The following QDPR variants were observed in gnomAD, a reference collection of about 807,000 sequenced individuals.
QDPR encodes the protein dihydropteridine reductase.
In QDPR, 23 loss-of-function variants were observed where a neutral mutation model predicts 31.7. That is an observed-to-expected ratio of 0.73 (90% confidence interval 0.52 to 1.03). The LOEUF (loss-of-function observed/expected upper bound fraction) is 1.03. Ranked by LOEUF, QDPR falls within the 50% of genes least tolerant of loss-of-function variation. QDPR has a pLI of 0.00. For synonymous variants in QDPR, 124 were observed against 124.7 expected (o/e 0.99, Z 0.03); for missense variants, 324 against 323.8 (o/e 1.00, Z 0.00).
chr4:17,499,068 C>G (rs1268973053), intron 4 of QDPR, among the ~76,000 whole-genome samples: 1 of 152,202 alleles, frequency 6.6e-6, no homozygotes, highest in African/African-American at 2.4e-5. Context: ...ATGGCTCACA[C>G]TTACTATTGA....
Position 17,509,128 on chromosome 4 carries a change from A to G in QDPR, c.198+143T>C, listed in dbSNP as rs557250756. ...AACGGAGATCATGCCACTGCACTCC[A>G]GCCTGGGCGACAGAGCAAGACTCCG... On this transcript the variant is annotated intron_variant, in intron 2 of 6. Coordinates refer to ENST00000281243, the MANE Select transcript of QDPR (RefSeq NM_000320.3). 61 of 696,060 alleles carry G rather than the reference A, an allele frequency of 8.8e-5. No homozygotes were observed. The African/African-American group carries it at 1.0e-3, about 12-fold the overall frequency. 43.1% of individuals were successfully genotyped at this position (696,060 alleles called of 1,614,324 possible).
In QDPR at chr4:17,512,037, A is replaced by AGCC. The variant is rs762480653; in HGVS notation, c.15_17dup (p.Ala7dup). On this transcript the variant is annotated inframe_insertion, in exon 1 of 7. Coordinates refer to ENST00000281243, the MANE Select transcript of QDPR (RefSeq NM_000320.3). ...CCAGCACCCGGCGCGCCTCGCCTGCAGCCGCCGCCGCCGCCATCCTGCTCC... is the reference window on the plus strand; with the variant it reads ...CCAGCACCCGGCGCGCCTCGCCTGCAGCCGCCGCCGCCGCCGCCATCCTGCTCC... 104 of 1,602,556 alleles carry AGCC rather than the reference A, an allele frequency of 6.5e-5. No homozygotes were observed. Among genetic ancestry groups the AGCC allele is most frequent in the Middle Eastern group, 1.7e-4 (1 of 5,958 alleles).
chr4:17,490,247 G>C (rs1718110420), intron 6 of QDPR: 2 of 288,904 alleles, frequency 6.9e-6, no homozygotes, highest in Non-Finnish European at 1.4e-5. Context: ...CCTCATCACA[G>C]CAGTAAGGAC....
At chr4:17,502,829 C>T (rs1385131170) in intron 3 of QDPR, among the ~76,000 whole-genome samples, 1 of 152,212 alleles carries the variant, frequency 6.6e-6, no homozygotes, top group Non-Finnish European at 1.5e-5. Context: ...ACTTGGGAAA[C>T]AGGACATTCA....
rs772710378 is a variant in QDPR at position 17,504,471 on chromosome 4, G to A, written c.203C>T (p.Thr68Ile). 6.2e-7 allele frequency: 1 copy of A among 1,613,880 alleles called. No individual in the cohort carries two copies. Among genetic ancestry groups the A allele is most frequent in the African/African-American group, 1.3e-5 (1 of 75,034 alleles). Residue 68 changes from threonine (T) to isoleucine (I), a missense_variant, in exon 3 of 7, where the codon ACT becomes ATT. By Grantham distance (89) the Thr-to-Ile change is moderately conservative. Transcript: ENST00000281243. Reference protein sequence around the residue: ...DSFTEQADQVTAEVGKLLGEE... With the variant: ...DSFTEQADQVIAEVGKLLGEE... Reference sequence around the variant, plus strand: ...ACCCAAGAGCTTTCCAACCTCAGCAGTCACCTTCAACACAAGAACAAAAAA... The same window carrying A: ...ACCCAAGAGCTTTCCAACCTCAGCAATCACCTTCAACACAAGAACAAAAAA...
At chr4:17,489,865 G>A (rs1718095841) in intron 6 of QDPR, among the ~76,000 whole-genome samples, 1 of 152,182 alleles carries the variant, frequency 6.6e-6, no homozygotes, top group African/African-American at 2.4e-5. Flanking sequence ...AGTCGTCAAA[G>A]CAGTTTACAC....
chr4:17,487,330 A>T (rs1315197130), intron 6 of QDPR, 94 bp from the exon 7 acceptor site: 160 of 624,920 alleles, frequency 2.6e-4, no homozygotes, highest in Non-Finnish European at 3.6e-4. Context: ...GGTGGGGGGA[A>T]GGGGTGGCAC....
rs104893863 is a variant in QDPR at position 17,511,987 on chromosome 4, C to T, written c.68G>A (p.Gly23Asp). Residue 23 changes from glycine to aspartate, a missense_variant, in exon 1 of 7, where the codon GGT (glycine) becomes GAT (aspartate). Coordinates refer to ENST00000281243, the MANE Select transcript of QDPR (RefSeq NM_000320.3). ...CCGAAAAGCCTGCACGCATCGAGAA[C>T]CCAGAGCGCCCCTGCCGCCGTACAC... ...VLVYGGRGAL[G>D]SRCVQAFRAR... 2.1e-5 allele frequency: 34 copies of T among 1,610,618 alleles called. No individual in the cohort carries two copies. Among genetic ancestry groups the T allele is most frequent in the East Asian group, 4.5e-5 (2 of 44,784 alleles).
intron 1 of QDPR, chr4:17,509,796 A>G: frequency 2.8e-6 from 1 of 360,882 alleles, no homozygotes; most frequent in Admixed American, 3.7e-5. Flanking sequence ...AACACACCCT[A>G]TATTGGGCTC....
In QDPR at chr4:17,509,289, G is replaced by T. The variant is rs1718908336; in HGVS notation, c.180C>A (p.Phe60Leu). Residue 60 changes from phenylalanine to leucine, a missense_variant, in exon 2 of 7, where the codon TTC (phenylalanine) becomes TTA (leucine). By Grantham distance (22) the Phe-to-Leu change is conservative. Coordinates refer to ENST00000281243, the MANE Select transcript of QDPR (RefSeq NM_000320.3). ...AAACTACCTGGTCAGCCTGCTCAGT[G>T]AACGAGTCTGTCATTTTAACAATGA... The part of the protein sequence containing the change: ...ASIIVKMTDS[F>L]TEQADQVTAE... 5 of 1,614,052 alleles carry T rather than the reference G, an allele frequency of 3.1e-6. No homozygotes were observed. The highest frequency in any genetic ancestry group is 4.2e-6 in the Non-Finnish European group (5 of 1,179,952).
chr4:17,505,243 CTTT>C (rs1230268105), intron 2 of QDPR, among the ~76,000 whole-genome samples: 1 of 103,296 alleles, frequency 9.7e-6, no homozygotes, highest in South Asian at 3.6e-4. Context: ...CTTAAGATTT[CTTT>C]TTTTTTTTTT....
intron 4 of QDPR, 43 bp from the exon 5 acceptor site, chr4:17,492,383 AG>A (rs772641759): frequency 1.4e-6 from 2 of 1,478,954 alleles, no homozygotes; most frequent in African/African-American, 2.8e-5. Flanking sequence ...ACTGGCGGCC[AG>A]GGGGACAGCA....
rs3733570 is a variant in QDPR at position 17,501,810 on chromosome 4, C to T, written c.345G>A (p.Ser115=). Reference sequence around the variant, plus strand: ...TGGTAGCCAGATGGCTGGAGATGGTCGATGTCCATATGCTCTGCTTCCACA... The same window carrying T: ...TGGTAGCCAGATGGCTGGAGATGGTTGATGTCCATATGCTCTGCTTCCACA... The part of the protein sequence containing the change: ...DLMWKQSIWT[S]TISSHLATKH... Residue 115 remains serine, a synonymous_variant, in exon 4 of 7, where the codon TCG becomes TCA. Transcript: ENST00000281243. 73,370 of 1,614,044 alleles carry T rather than the reference C, an allele frequency of 0.045. 7,465 individuals are homozygous for T. The East Asian group carries it at 0.47, about 10-fold the overall frequency.
chr4:17,495,180 G>A (rs1461285523), intron 4 of QDPR, among the ~76,000 whole-genome samples: 4 of 152,178 alleles, frequency 2.6e-5, no homozygotes. Flanking sequence ...AGCAGTGGAA[G>A]GACTGTGGCA....
At chr4:17,497,866 G>T (rs988658876) in intron 4 of QDPR, among the ~76,000 whole-genome samples, 3 of 152,146 alleles carry the variant, frequency 2.0e-5, no homozygotes, top group African/African-American at 7.2e-5. Context: ...AGCAAATTTT[G>T]ACATTGTGTA....
intron 3 of QDPR, 63 bp from the exon 4 acceptor site, chr4:17,501,922 TCATGCAGC>T: frequency 1.2e-6 from 2 of 1,606,942 alleles, no homozygotes; most frequent in African/African-American, 2.7e-5. Context: ...TGAGCTCAAC[TCATGCAGC>T]CCCACACTCA....
At chr4:17,511,651 C>T (rs1325303151) in intron 1 of QDPR, among the ~76,000 whole-genome samples, 2 of 152,214 alleles carry the variant, frequency 1.3e-5, no homozygotes, top group Non-Finnish European at 2.9e-5. Context: ...CGTCCTCTCA[C>T]CCCTGCTCCC....
chr4:17,508,796 C>T (rs2108996899), intron 2 of QDPR, among the ~76,000 whole-genome samples: 3 of 152,222 alleles, frequency 2.0e-5, no homozygotes, highest in Admixed American at 2.0e-4. Flanking sequence ...TATCATTTTT[C>T]ACTTTTTCCA....
At chr4:17,487,930 T>C (rs183864111) in intron 6 of QDPR, among the ~76,000 whole-genome samples, 145 of 152,338 alleles carry the variant, frequency 9.5e-4, no homozygotes, top group Non-Finnish European at 1.8e-3. Flanking sequence ...TTCATTTTGG[T>C]ATTTTTCTAC....
Sources: gnomAD v4.1 joint callset for allele counts (sites outside exome capture counted in the v4.1 genomes callset) on GRCh38, gnomAD v4.1.1 for gene constraint, MANE v1.5 for transcripts, NCBI Gene and HGNC (gene_info 2026-07-23, HGNC 2026-07-21) for gene names.